ERBIN: variants seen among roughly 807,000 people sequenced by gnomAD.
ERBIN encodes the protein densin-180-like protein.
Under a neutral mutation model 158.4 loss-of-function variants are expected in ERBIN, and 60 were observed. That is an observed-to-expected ratio of 0.38 (90% CI 0.31 to 0.47). The LOEUF (loss-of-function observed/expected upper bound fraction) is 0.47, where lower values mean the gene tolerates loss of function less well. Ranked by LOEUF, ERBIN falls within the 20% of genes least tolerant of loss-of-function variation. ERBIN has a pLI of 0.99. For synonymous variants in ERBIN, 594 were observed against 557.2 expected (o/e 1.07, Z -0.93); for missense variants, 1,610 against 1,648.0 (o/e 0.98, Z 0.40).
In ERBIN at chr5:65,994,869, GGCTT is replaced by G; in HGVS notation, c.307+6_307+9del. 1.3e-6 allele frequency: 2 copies of G among 1,552,512 alleles called. No individual in the cohort carries two copies. Among genetic ancestry groups the G allele is most frequent in the Non-Finnish European group, 1.8e-6 (2 of 1,139,226 alleles). ...AACTGGATGTCAGCAAGAATGGTAA[GGCTT>G]TTTTTGCCCATAATTTTTTGTACTT... is the stretch of plus-strand genomic sequence containing the variant. On this transcript the variant is annotated splice_donor_region_variant and intron_variant, in intron 4 of 25. Transcript: ENST00000284037.
At chr5:66,063,606 A>G (rs1760688222) in intron 21 of ERBIN, among the ~76,000 whole-genome samples, 1 of 152,214 alleles carries the variant, frequency 6.6e-6, no homozygotes, top group African/African-American at 2.4e-5. Context: ...TTGGAAGTGC[A>G]GAAAACACCC....
intron 1 of ERBIN, among the ~76,000 whole-genome samples, chr5:65,971,673 T>C (rs1447598833): frequency 6.6e-6 from 1 of 152,216 alleles, no homozygotes. Context: ...TTTTTCTCTC[T>C]TCAGATGAGC....
chr5:65,930,685 C>A (rs1220384876), intron 1 of ERBIN, among the ~76,000 whole-genome samples: 2 of 152,120 alleles, frequency 1.3e-5, no homozygotes, highest in African/African-American at 4.8e-5. Context: ...TAAGATAATA[C>A]CAGGTTGTTA....
At chr5:65,995,128 T>G (rs1752279272) in intron 4 of ERBIN, among the ~76,000 whole-genome samples, 1 of 152,226 alleles carries the variant, frequency 6.6e-6, no homozygotes, top group Admixed American at 6.5e-5. Context: ...CTGTGATAGC[T>G]TAAAGCACAT....
In ERBIN at chr5:66,048,541, G is replaced by T. The variant is rs369718594; in HGVS notation, c.1789-126G>T. 74 of 627,332 alleles carry T rather than the reference G, an allele frequency of 1.2e-4. No homozygotes were observed. The African/African-American group carries it at 1.4e-3, about 12-fold the overall frequency. 38.9% of individuals were successfully genotyped at this position (627,332 alleles called of 1,614,324 possible). ...AAGGACTGGTTGTTATTTTATTGCC[G>T]TATCTTGAAAAGGTTTAATATGTGT... On this transcript the variant is annotated intron_variant, in intron 18 of 25. Coordinates refer to ENST00000284037, the MANE Select transcript of ERBIN (RefSeq NM_001253697.2).
At chr5:65,991,063 A>T (rs1017524064) in intron 2 of ERBIN, among the ~76,000 whole-genome samples, 3 of 152,190 alleles carry the variant, frequency 2.0e-5, no homozygotes, top group Non-Finnish European at 4.4e-5. Flanking sequence ...GCCTAGAATA[A>T]TCACTTTTTT....
intron 1 of ERBIN, among the ~76,000 whole-genome samples, chr5:65,961,926 G>A (rs1193587496): frequency 6.6e-6 from 1 of 152,084 alleles, no homozygotes; most frequent in African/African-American, 2.4e-5. Flanking sequence ...TATCTTTTTG[G>A]TGCTGCAGAA....
intron 1 of ERBIN, among the ~76,000 whole-genome samples, chr5:65,968,816 C>T (rs1748944823): frequency 6.6e-6 from 1 of 152,206 alleles, no homozygotes; most frequent in Non-Finnish European, 1.5e-5. Context: ...CTGCCTCGGC[C>T]TCCCAAAGTG....
intron 1 of ERBIN, among the ~76,000 whole-genome samples, chr5:65,964,908 T>TGTGTGTGTG (rs1748367664): frequency 6.5e-5 from 7 of 107,260 alleles, no homozygotes; most frequent in African/African-American, 2.8e-4. Context: ...CCTGGCTGAT[T>TGTGTGTGTG]TGTGTGTGTG....
chr5:66,053,637 T>A lies in ERBIN; in HGVS notation c.2319T>A (p.Asn773Lys). 6.2e-7 allele frequency: 1 copy of A among 1,612,684 alleles called. No individual in the cohort carries two copies. The highest frequency in any genetic ancestry group is 1.1e-5 in the South Asian group (1 of 90,926). Residue 773 changes from asparagine (N) to lysine (K), a missense_variant, in exon 21 of 26, where the codon AAT (asparagine) becomes AAA (lysine). By Grantham distance (94) the Asn-to-Lys change is moderately conservative. Coordinates refer to ENST00000284037, the MANE Select transcript of ERBIN (RefSeq NM_001253697.2). Reference sequence around the variant, plus strand: ...TGAATCTTAATAAACTTATAACTAATGATACATTTCAACCAGAGATCATGG... The same window carrying A: ...TGAATCTTAATAAACTTATAACTAAAGATACATTTCAACCAGAGATCATGG... ...INMNLNKLIT[N>K]DTFQPEIMER...
At chr5:66,049,178 A>G (rs953525946) in intron 19 of ERBIN, among the ~76,000 whole-genome samples, 24 of 152,090 alleles carry the variant, frequency 1.6e-4, no homozygotes, top group African/African-American at 5.8e-4. Flanking sequence ...CCTTATGTAT[A>G]GTAGGTGCTC....
In ERBIN at chr5:66,081,483, A is replaced by T. The variant is rs1762382713; in HGVS notation, c.*2953A>T. The T allele has an allele frequency of 6.6e-6, 1 of 152,120 alleles. No homozygotes were observed. The highest frequency in any genetic ancestry group is 1.5e-5 in the Non-Finnish European group (1 of 67,950). 9.4% of individuals were successfully genotyped at this position (152,120 alleles called of 1,614,324 possible). ...GTAATATTTTTATCAACCAACATTT[A>T]TTCATTCCAAATTTTTGTATATATC... On this transcript the variant is annotated 3_prime_UTR_variant, in exon 26 of 26. Transcript: ENST00000284037.
At chr5:65,949,119 T>C (rs1346316237) in intron 1 of ERBIN, among the ~76,000 whole-genome samples, 1 of 152,134 alleles carries the variant, frequency 6.6e-6, no homozygotes, top group Non-Finnish European at 1.5e-5. Flanking sequence ...TAGTATCATA[T>C]TAAGAAAGTT....
chr5:66,077,759 TACACACACAC>T (rs70987111), intron 25 of ERBIN, among the ~76,000 whole-genome samples: 69 of 139,382 alleles, frequency 5.0e-4, no homozygotes, highest in African/African-American at 1.6e-3. Context: ...TCCCTCCCTC[TACACACACAC>T]ACACACACAC....
At chr5:65,943,342 A>C (rs914536431) in intron 1 of ERBIN, among the ~76,000 whole-genome samples, 1 of 152,212 alleles carries the variant, frequency 6.6e-6, no homozygotes, top group Non-Finnish European at 1.5e-5. Flanking sequence ...ATGTGGGAAT[A>C]ATGTATTACT....
Position 66,081,320 on chromosome 5 carries a change from A to G in ERBIN, c.*2790A>G, listed in dbSNP as rs1762374342. ...TTCCCTACATATTTATTTTGTAAAT[A>G]TTCTTCTGACCTCTTTGGACTGGAT... On this transcript the variant is annotated 3_prime_UTR_variant, in exon 26 of 26. Transcript: ENST00000284037. 1 of 152,198 alleles carries G rather than the reference A, an allele frequency of 6.6e-6. No individual in the cohort carries two copies. The highest frequency in any genetic ancestry group is 2.4e-5 in the African/African-American group (1 of 41,590). 9.4% of individuals were successfully genotyped at this position (152,198 alleles called of 1,614,324 possible).
chr5:66,068,264 G>C (rs1404846122), intron 21 of ERBIN, among the ~76,000 whole-genome samples: 1 of 151,896 alleles, frequency 6.6e-6, no homozygotes, highest in Non-Finnish European at 1.5e-5. Context: ...TTGAGCCCAG[G>C]AGTTTGAAGC....
chr5:65,987,883 A>G (rs1431742544), intron 1 of ERBIN, among the ~76,000 whole-genome samples: 1 of 151,604 alleles, frequency 6.6e-6, no homozygotes, highest in Non-Finnish European at 1.5e-5. Context: ...AATAAATCCC[A>G]TAAACAATTA....
chr5:65,956,978 T>C (rs936620860), intron 1 of ERBIN, among the ~76,000 whole-genome samples: 1 of 151,010 alleles, frequency 6.6e-6, no homozygotes, highest in Non-Finnish European at 1.5e-5. Context: ...CATGCTGCTA[T>C]TTGTGTATGG....
Sources: gnomAD v4.1 joint callset for allele counts (sites outside exome capture counted in the v4.1 genomes callset) on GRCh38, gnomAD v4.1.1 for gene constraint, MANE v1.5 for transcripts, NCBI Gene and HGNC (gene_info 2026-07-23, HGNC 2026-07-21) for gene names.